The following SPOCK1 variants were observed in gnomAD, a reference collection of about 807,000 sequenced individuals.
SPOCK1 encodes the protein SPARC (osteonectin), cwcv and kazal like domains proteoglycan 1.
In SPOCK1, 23 loss-of-function variants were observed where a neutral mutation model predicts 55.3. That is an observed-to-expected ratio of 0.42 (90% CI 0.30 to 0.59). The LOEUF is 0.59. Ranked by LOEUF, SPOCK1 falls within the 20% of genes least tolerant of loss-of-function variation. The pLI is 0.22. For synonymous variants in SPOCK1, 226 were observed against 221.0 expected (o/e 1.02, Z -0.20); for missense variants, 499 against 552.5 (o/e 0.90, Z 0.97).
At chr5:137,313,685 GC>G in intron 2 of SPOCK1, 1 of 172,018 alleles carries the variant, frequency 5.8e-6, no homozygotes, top group South Asian at 1.9e-4. Context: ...CCACTGCTTG[GC>G]CAGGAGGCCA....
chr5:137,079,851 A>AC (rs1561601769), intron 5 of SPOCK1, among the ~76,000 whole-genome samples: 1 of 150,688 alleles, frequency 6.6e-6, no homozygotes, highest in Non-Finnish European at 1.5e-5. Flanking sequence ...ACTCCTGCAG[A>AC]CCCCCCTTAG....
At chr5:137,343,117 AC>A (rs1750474414) in intron 2 of SPOCK1, among the ~76,000 whole-genome samples, 1 of 152,224 alleles carries the variant, frequency 6.6e-6, no homozygotes. Context: ...ACATCCCGAC[AC>A]TTATCCACTC....
At chr5:137,052,478 T>A (rs1580726657) in intron 6 of SPOCK1, among the ~76,000 whole-genome samples, 1 of 152,320 alleles carries the variant, frequency 6.6e-6, no homozygotes, top group East Asian at 1.9e-4. Flanking sequence ...TGCTAGTATG[T>A]AACAGAAGAC....
In SPOCK1 at chr5:137,155,448, T is replaced by C. The variant is rs368389431; in HGVS notation, c.233-14754A>G. Among the ~76,000 whole-genome samples, 5 of 152,284 alleles carry C rather than the reference T, an allele frequency of 3.3e-5. No homozygotes were observed. In the East Asian group the frequency reaches 7.7e-4, roughly 24 times the overall value. On this transcript the variant is annotated intron_variant, in intron 3 of 10. Transcript: ENST00000394945. ...TCACTTGGCCTCTATTGTTGCCCAG[T>C]TAGCCAGTGTGGGGAAAGGTGAAAG...
chr5:137,386,969 T>C (rs1751611058), intron 2 of SPOCK1, among the ~76,000 whole-genome samples: 1 of 151,908 alleles, frequency 6.6e-6, no homozygotes, highest in Non-Finnish European at 1.5e-5. Context: ...AATAAGAAAA[T>C]AGACAACTTG....
chr5:137,028,939 G>A (rs767788144), intron 6 of SPOCK1, among the ~76,000 whole-genome samples: 16 of 152,170 alleles, frequency 1.1e-4, no homozygotes, highest in Non-Finnish European at 1.9e-4. Context: ...TCCATGGATG[G>A]TCATGTGAGC....
intron 4 of SPOCK1, among the ~76,000 whole-genome samples, chr5:137,133,465 A>T (rs1753922320): frequency 6.6e-6 from 1 of 152,150 alleles, no homozygotes; most frequent in Non-Finnish European, 1.5e-5. Flanking sequence ...TCTGTTCCTT[A>T]ATCCAAGGGA....
intron 2 of SPOCK1, among the ~76,000 whole-genome samples, chr5:137,497,406 A>T (rs1754321482): frequency 1.3e-5 from 2 of 152,220 alleles, no homozygotes; most frequent in African/African-American, 4.8e-5. Context: ...CTTTTACAAT[A>T]TTTAAGGCTT....
chr5:137,377,248 G>C (rs1751338272), intron 2 of SPOCK1, among the ~76,000 whole-genome samples: 1 of 152,242 alleles, frequency 6.6e-6, no homozygotes, highest in South Asian at 2.1e-4. Context: ...GCAAGGCAGT[G>C]ATGACTGAGC....
At chr5:137,312,537 TG>T (rs1757806990) in intron 2 of SPOCK1, among the ~76,000 whole-genome samples, 1 of 152,174 alleles carries the variant, frequency 6.6e-6, no homozygotes, top group South Asian at 2.1e-4. Flanking sequence ...TTGTTGTTGT[TG>T]TTTTCTCTTA....
chr5:137,009,161 A>G (rs1361527973), intron 6 of SPOCK1, among the ~76,000 whole-genome samples: 3 of 152,220 alleles, frequency 2.0e-5, no homozygotes, highest in African/African-American at 4.8e-5. Flanking sequence ...TACAAGAAAT[A>G]TAACAATGGC....
chr5:137,169,274 G>A (rs1309973505), intron 3 of SPOCK1, among the ~76,000 whole-genome samples: 1 of 152,096 alleles, frequency 6.6e-6, no homozygotes, highest in Non-Finnish European at 1.5e-5. Flanking sequence ...ATATTTGCTA[G>A]AGCAAAAAGG....
chr5:137,386,561 G>A (rs1346035693), intron 2 of SPOCK1, among the ~76,000 whole-genome samples: 1 of 152,166 alleles, frequency 6.6e-6, no homozygotes, highest in Non-Finnish European at 1.5e-5. Flanking sequence ...AAGCAAATGG[G>A]TAAAAGGTAG....
intron 2 of SPOCK1, among the ~76,000 whole-genome samples, chr5:137,303,846 C>G (rs891085750): frequency 6.6e-6 from 1 of 152,316 alleles, no homozygotes; most frequent in East Asian, 1.9e-4. Context: ...GGAATTCCAG[C>G]AACTCTTTGC....
chr5:137,266,256 T>C (rs1456501545), intron 3 of SPOCK1, among the ~76,000 whole-genome samples: 1 of 152,202 alleles, frequency 6.6e-6, no homozygotes, highest in Non-Finnish European at 1.5e-5. Context: ...TGGTAGGTAA[T>C]ACTGTTTCAT....
chr5:137,208,153 A>C (rs905016455), intron 3 of SPOCK1, among the ~76,000 whole-genome samples: 2 of 152,200 alleles, frequency 1.3e-5, no homozygotes, highest in African/African-American at 4.8e-5. Flanking sequence ...TCTCCCAACC[A>C]GAAAAACATT....
intron 3 of SPOCK1, among the ~76,000 whole-genome samples, chr5:137,231,675 T>C (rs967730410): frequency 5.3e-5 from 8 of 152,240 alleles, no homozygotes; most frequent in African/African-American, 1.7e-4. Flanking sequence ...ATTGTAGCTA[T>C]TGTAAATAAA....
chr5:137,363,288 A>T (rs1750989779), intron 2 of SPOCK1, among the ~76,000 whole-genome samples: 1 of 152,218 alleles, frequency 6.6e-6, no homozygotes, highest in Non-Finnish European at 1.5e-5. Flanking sequence ...CATGCATTAA[A>T]TGCACCTCAT....
intron 2 of SPOCK1, among the ~76,000 whole-genome samples, chr5:137,358,113 T>G (rs970484764): frequency 6.6e-6 from 1 of 152,106 alleles, no homozygotes; most frequent in African/African-American, 2.4e-5. Flanking sequence ...CACCAAGTGA[T>G]GCAACTAGCC....
Sources: gnomAD v4.1 joint callset for allele counts (sites outside exome capture counted in the v4.1 genomes callset) on GRCh38, gnomAD v4.1.1 for gene constraint, MANE v1.5 for transcripts, NCBI Gene and HGNC (gene_info 2026-07-23, HGNC 2026-07-21) for gene names.